Variants in AGBL4 observed in about 807,000 individuals in gnomAD.
AGBL4 encodes AGBL carboxypeptidase 4, also known as cytosolic carboxypeptidase 6.
In AGBL4, 58 loss-of-function variants were observed where a neutral mutation model predicts 66.4. That is an observed-to-expected ratio of 0.87 (90% CI 0.71 to 1.09). The LOEUF (loss-of-function observed/expected upper bound fraction) is 1.09. Ranked by LOEUF, AGBL4 falls within the 50% of genes least tolerant of loss-of-function variation. The pLI is 0.00. For synonymous variants in AGBL4, 234 were observed against 222.9 expected (o/e 1.05, Z -0.44); for missense variants, 579 against 631.0 (o/e 0.92, Z 0.88).
chr1:50,022,878 A>G (rs1662555323), intron 1 of AGBL4, among the ~76,000 whole-genome samples: 1 of 152,186 alleles, frequency 6.6e-6, no homozygotes, highest in South Asian at 2.1e-4. Flanking sequence ...TCAAAACTGT[A>G]AAAACCTTTG....
chr1:49,579,997 T>C (rs1262343111), intron 3 of AGBL4, among the ~76,000 whole-genome samples: 3 of 152,184 alleles, frequency 2.0e-5, no homozygotes, highest in Admixed American at 6.5e-5. Flanking sequence ...GCTCTGGTAT[T>C]GGGTGCATAT....
intron 5 of AGBL4, among the ~76,000 whole-genome samples, chr1:49,012,840 C>T (rs3122299): frequency 0.57 from 86,476 of 152,024 alleles, 25,033 homozygotes; most frequent in Non-Finnish European, 0.61. Context: ...AATGTAACAG[C>T]ATTAAGAGGT....
chr1:49,691,918 G>C (rs1302399611), intron 3 of AGBL4, among the ~76,000 whole-genome samples: 1 of 152,076 alleles, frequency 6.6e-6, no homozygotes, highest in Non-Finnish European at 1.5e-5. Context: ...GGCTTTCCTT[G>C]CTCCTCAGCC....
At chr1:48,556,224 G>A (rs1197948776) in intron 11 of AGBL4, among the ~76,000 whole-genome samples, 1 of 152,106 alleles carries the variant, frequency 6.6e-6, no homozygotes, top group East Asian at 1.9e-4. Context: ...TCCCCATGAG[G>A]CCAACATATT....
At position 48,877,443 on chromosome 1, in the gene AGBL4, C is replaced by A. The variant is rs141600095; in HGVS notation, c.595-10213G>T. The stretch of plus-strand genomic sequence containing the variant: ...TGTCTCCAAGAATGGGTCTGTTATG[C>A]TTGACATAGTCTTAAGACTATCAGG... On this transcript the variant is annotated intron_variant, in intron 5 of 13. Transcript: ENST00000371839. Among the ~76,000 whole-genome samples the A allele has an allele frequency of 2.0e-3, 307 of 152,232 alleles. 3 individuals carry two copies. The highest frequency in any genetic ancestry group is 7.1e-3 in the African/African-American group (295 of 41,544).
At chr1:49,400,111 TC>T (rs1236179537) in intron 3 of AGBL4, among the ~76,000 whole-genome samples, 1 of 152,134 alleles carries the variant, frequency 6.6e-6, no homozygotes, top group African/African-American at 2.4e-5. Context: ...ATATCCACTT[TC>T]CCCCACACCA....
At chr1:49,134,342 G>T (rs1219856164) in intron 4 of AGBL4, among the ~76,000 whole-genome samples, 3 of 152,052 alleles carry the variant, frequency 2.0e-5, no homozygotes, top group Non-Finnish European at 4.4e-5. Context: ...CAGAGAACCG[G>T]TCTGACTAGA....
At chr1:49,557,388 A>G (rs750579007) in intron 3 of AGBL4, among the ~76,000 whole-genome samples, 10 of 152,140 alleles carry the variant, frequency 6.6e-5, no homozygotes, top group Non-Finnish European at 1.0e-4. Flanking sequence ...GAAGAAATAG[A>G]AAAAATAGTC....
At chr1:48,656,412 A>G (rs1646021401) in intron 7 of AGBL4, among the ~76,000 whole-genome samples, 1 of 152,220 alleles carries the variant, frequency 6.6e-6, no homozygotes, top group Non-Finnish European at 1.5e-5. Flanking sequence ...TCATTCTACA[A>G]ACATTCATTG....
chr1:49,170,243 CAT>C (rs1646711188), intron 4 of AGBL4, among the ~76,000 whole-genome samples: 1 of 141,596 alleles, frequency 7.1e-6, no homozygotes, highest in Admixed American at 7.1e-5. Flanking sequence ...AATTTATATT[CAT>C]ATAAATATAT....
intron 9 of AGBL4, among the ~76,000 whole-genome samples, chr1:48,605,943 AT>A (rs746306552): frequency 1.3e-5 from 2 of 152,154 alleles, no homozygotes; most frequent in Non-Finnish European, 2.9e-5. Flanking sequence ...GCAAAGCTGT[AT>A]TTTCTGTTTA....
intron 9 of AGBL4, among the ~76,000 whole-genome samples, chr1:48,592,543 T>G (rs879594191): frequency 1.3e-5 from 2 of 152,162 alleles, no homozygotes; most frequent in Admixed American, 6.5e-5. Flanking sequence ...GCTTTGGAGG[T>G]GGAATACACA....
In AGBL4 at chr1:48,720,782, T is replaced by C. The variant is rs1172897509; in HGVS notation, c.635-57541A>G. ...TGACAGCCTTGTGAGAAGAGGGAGC[T>C]AAATTAATATTACAATACAATCCTC... On this transcript the variant is annotated intron_variant, in intron 6 of 13. Coordinates refer to ENST00000371839, the MANE Select transcript of AGBL4 (RefSeq NM_032785.4). Among the ~76,000 whole-genome samples the C allele has an allele frequency of 2.6e-5, 4 of 152,014 alleles. No homozygotes were observed. The East Asian group carries it at 7.8e-4, about 30-fold the overall frequency.
At chr1:49,760,268 T>G (rs1403727424) in intron 2 of AGBL4, among the ~76,000 whole-genome samples, 6 of 152,216 alleles carry the variant, frequency 3.9e-5, no homozygotes, top group African/African-American at 1.4e-4. Flanking sequence ...TGATGATAGT[T>G]TCTTTTGCTG....
At chr1:49,696,513 G>GA (rs1311877000) in intron 3 of AGBL4, among the ~76,000 whole-genome samples, 4 of 151,926 alleles carry the variant, frequency 2.6e-5, no homozygotes, top group African/African-American at 9.7e-5. Flanking sequence ...GCCACAAATG[G>GA]AAAATAATAG....
chr1:49,844,984 C>T (rs1364611130), intron 2 of AGBL4: 1 of 1,406,294 alleles, frequency 7.1e-7, no homozygotes. Flanking sequence ...GACTCCTGAA[C>T]AACAAGGCCC....
chr1:48,669,954 A>G lies in AGBL4; in HGVS notation c.635-6713T>C, dbSNP rs368025. On this transcript the variant is annotated intron_variant, in intron 6 of 13. Transcript: ENST00000371839. ...CAGATCTCCCATGGCCTAAAATCTC[A>G]TATCTAAGTAGTAGACTCATTATGC... Among the ~76,000 whole-genome samples the G allele has an allele frequency of 2.6e-5, 4 of 152,090 alleles. No individual in the cohort carries two copies. In the South Asian group the frequency reaches 8.3e-4, roughly 32 times the overall value.
intron 5 of AGBL4, among the ~76,000 whole-genome samples, chr1:48,982,915 C>T (rs1398823951): frequency 6.6e-6 from 1 of 152,086 alleles, no homozygotes; most frequent in Non-Finnish European, 1.5e-5. Context: ...GAGATGGTAT[C>T]TCATTGTGGT....
chr1:49,185,595 T>A (rs1220018015), intron 4 of AGBL4, among the ~76,000 whole-genome samples: 3 of 152,174 alleles, frequency 2.0e-5, no homozygotes, highest in African/African-American at 7.2e-5. Context: ...AAGAGAAACT[T>A]GGACATATGT....
Sources: allele counts gnomAD v4.1 joint callset (sites outside exome capture counted in the v4.1 genomes callset), GRCh38; gene constraint gnomAD v4.1.1; transcripts MANE v1.5; gene names NCBI Gene and HGNC (gene_info 2026-07-23, HGNC 2026-07-21).